The following SYNPR variants were observed in gnomAD, a reference collection of about 807,000 sequenced individuals.
SYNPR encodes synaptoporin.
In SYNPR, 23 loss-of-function variants were observed where a neutral mutation model predicts 32.9. That is an observed-to-expected ratio of 0.70 (90% CI 0.50 to 0.99). The LOEUF (loss-of-function observed/expected upper bound fraction) is 0.99. Among genes scored for constraint, SYNPR ranks in the 50% least tolerant of loss-of-function variants. The probability of loss-of-function intolerance (pLI) is 0.00; values close to 1 mark genes in which losing one functional copy is unlikely to be tolerated. For missense variants in SYNPR, 318 were observed against 349.3 expected (o/e 0.91, Z 0.71); for synonymous variants, 146 against 135.9 (o/e 1.07, Z -0.52).
At chr3:63,544,979 A>T (rs1702374886) in intron 3 of SYNPR, among the ~76,000 whole-genome samples, 1 of 151,948 alleles carries the variant, frequency 6.6e-6, no homozygotes, top group Admixed American at 6.6e-5. Flanking sequence ...TCCAAGGTCA[A>T]ATAGCTGAAT....
chr3:63,595,876 T>TTTATATATATATAGTTTTATATATATAG (rs1276370075), intron 4 of SYNPR, among the ~76,000 whole-genome samples: 20 of 91,302 alleles, frequency 2.2e-4, no homozygotes, highest in South Asian at 1.1e-3. Context: ...TATATATAAT[T>TTTATATATATATAGTTTTATATATATAG]TTATATATAT....
chr3:63,529,470 A>T (rs1702073111), intron 3 of SYNPR, among the ~76,000 whole-genome samples: 1 of 152,098 alleles, frequency 6.6e-6, no homozygotes, highest in South Asian at 2.1e-4. Context: ...AGTGTACTAA[A>T]ATGTTTGTTG....
intron 2 of SYNPR, among the ~76,000 whole-genome samples, chr3:63,461,348 C>T (rs1035119765): frequency 6.6e-6 from 1 of 152,108 alleles, no homozygotes; most frequent in African/African-American, 2.4e-5. Context: ...CCTCCTACTC[C>T]CTCTGGCATT....
intron 2 of SYNPR, among the ~76,000 whole-genome samples, chr3:63,382,936 T>C (rs2087991157): frequency 6.6e-6 from 1 of 152,226 alleles, no homozygotes; most frequent in Non-Finnish European, 1.5e-5. Context: ...TTGTATCACT[T>C]AATACATTAT....
intron 1 of SYNPR, among the ~76,000 whole-genome samples, chr3:63,243,335 T>C (rs2086262114): frequency 6.6e-6 from 1 of 151,992 alleles, no homozygotes. Context: ...TTAAAAGACA[T>C]ATTTCTACAA....
chr3:63,565,702 C>T (rs931577300), intron 4 of SYNPR, among the ~76,000 whole-genome samples: 3 of 152,134 alleles, frequency 2.0e-5, no homozygotes, highest in African/African-American at 7.2e-5. Flanking sequence ...AGCATTCCTC[C>T]CTTTCAGAGG....
upstream of SYNPR, among the ~76,000 whole-genome samples, chr3:63,277,386 C>T (rs762900953): frequency 5.3e-5 from 8 of 152,068 alleles, no homozygotes; most frequent in Non-Finnish European, 1.0e-4. Context: ...GATTAGCCCA[C>T]TAAGAGTAAA....
chr3:63,279,293 A>G (rs2086606486), intron 2 of SYNPR, among the ~76,000 whole-genome samples: 2 of 152,184 alleles, frequency 1.3e-5, no homozygotes, highest in Non-Finnish European at 2.9e-5. Flanking sequence ...AGACTGTTAT[A>G]AACGGCGGCG....
intron 4 of SYNPR, among the ~76,000 whole-genome samples, chr3:63,568,626 A>T (rs1702834691): frequency 6.6e-6 from 1 of 152,202 alleles, no homozygotes; most frequent in South Asian, 2.1e-4. Context: ...AGCTAGGTAT[A>T]TGTGGGCCTA....
rs758038582 is a variant in SYNPR at position 63,285,550 on chromosome 3, G to A, written c.84+6808G>A. On this transcript the variant is annotated intron_variant, in intron 2 of 5. Transcript: ENST00000478300. ...TTACAACCTTCTAGCCTCTCAATTGGTGACAACAATCATGTGCAATTGGAG... is the reference window on the plus strand; with the variant it reads ...TTACAACCTTCTAGCCTCTCAATTGATGACAACAATCATGTGCAATTGGAG... 2.6e-5 allele frequency among the ~76,000 whole-genome samples: 4 copies of A among 152,128 alleles called. No individual in the cohort carries two copies. The East Asian group carries it at 7.7e-4, about 29-fold the overall frequency.
At chr3:63,574,602 G>C (rs1201329962) in intron 4 of SYNPR, among the ~76,000 whole-genome samples, 1 of 152,106 alleles carries the variant, frequency 6.6e-6, no homozygotes, top group Non-Finnish European at 1.5e-5. Flanking sequence ...GTGCCGAGGT[G>C]GGAAAACCAT....
chr3:63,421,781 C>T (rs557832185), intron 2 of SYNPR, among the ~76,000 whole-genome samples: 2 of 152,300 alleles, frequency 1.3e-5, no homozygotes, highest in Non-Finnish European at 2.9e-5. Flanking sequence ...CAGTTCTTTA[C>T]AGCTGGAGGA....
intron 2 of SYNPR, among the ~76,000 whole-genome samples, chr3:63,313,109 C>T (rs1213969873): frequency 6.6e-6 from 1 of 152,004 alleles, no homozygotes; most frequent in African/African-American, 2.4e-5. Context: ...CATTCAAGGT[C>T]TCACAGAGTC....
At chr3:63,390,998 A>G (rs538508937) in intron 2 of SYNPR, among the ~76,000 whole-genome samples, 13 of 152,342 alleles carry the variant, frequency 8.5e-5, no homozygotes, top group African/African-American at 3.1e-4. Flanking sequence ...GGGCCGTAGT[A>G]AGTCCTCAAT....
At chr3:63,490,216 T>C (rs1701233706) in intron 3 of SYNPR, among the ~76,000 whole-genome samples, 1 of 151,686 alleles carries the variant, frequency 6.6e-6, no homozygotes, top group South Asian at 2.1e-4. Flanking sequence ...AATCTGAGAT[T>C]GGGGAGAGTC....
At chr3:63,299,172 T>C (rs2086819110) in intron 2 of SYNPR, among the ~76,000 whole-genome samples, 2 of 152,104 alleles carry the variant, frequency 1.3e-5, no homozygotes, top group Non-Finnish European at 2.9e-5. Context: ...AAAGAAAGGA[T>C]ATATTGGAAA....
intron 2 of SYNPR, among the ~76,000 whole-genome samples, chr3:63,353,987 A>G (rs1269304513): frequency 6.6e-6 from 1 of 152,204 alleles, no homozygotes; most frequent in Non-Finnish European, 1.5e-5. Flanking sequence ...AGATTCTGAA[A>G]TCTGGCTGTC....
rs545187928 is a variant in SYNPR, at chr3:63,416,680, C to T, written c.85-64152C>T. On this transcript the variant is annotated intron_variant, in intron 2 of 5. Coordinates refer to ENST00000478300, the MANE Select transcript of SYNPR (RefSeq NM_001130003.2). ...GAGGTTTAATGGAGTCACAGTTCCA[C>T]GTGGCTGGGGAGGCCTCAAAATTAT... Among the ~76,000 whole-genome samples, 27 of 152,118 alleles carry T rather than the reference C, an allele frequency of 1.8e-4. No homozygotes were observed. In the South Asian group the frequency reaches 4.4e-3, roughly 25 times the overall value.
chr3:63,546,656 T>A (rs1257389088), intron 3 of SYNPR, among the ~76,000 whole-genome samples: 1 of 151,910 alleles, frequency 6.6e-6, no homozygotes, highest in Non-Finnish European at 1.5e-5. Context: ...AATAAAAAAA[T>A]CATTGTCTCT....
Sources: gnomAD v4.1 joint callset for allele counts (sites outside exome capture counted in the v4.1 genomes callset) on GRCh38, gnomAD v4.1.1 for gene constraint, MANE v1.5 for transcripts, NCBI Gene and HGNC (gene_info 2026-07-23, HGNC 2026-07-21) for gene names.